PCDH7: variants seen among roughly 807,000 people sequenced by gnomAD.
The protein encoded by PCDH7 is protocadherin 7.
Under a neutral mutation model 58.9 loss-of-function variants are expected in PCDH7, and 17 were observed. That is an observed-to-expected ratio of 0.29 (90% confidence interval 0.20 to 0.43). The LOEUF is 0.43. Ranked by LOEUF, PCDH7 falls within the 20% of genes least tolerant of loss-of-function variation. The pLI is 1.00. For synonymous variants in PCDH7, 664 were observed against 616.4 expected, an observed-to-expected ratio of 1.08 and a Z score of -1.14; for missense variants, 1,274 against 1,441.0, an observed-to-expected ratio of 0.88 and a Z score of 1.88.
intron 3 of PCDH7, among the ~76,000 whole-genome samples, chr4:31,067,723 G>A (rs190254286): frequency 2.8e-4 from 43 of 152,064 alleles, no homozygotes; most frequent in Non-Finnish European, 3.4e-4. Flanking sequence ...TGAGCGCATA[G>A]CCCCTTTTCT....
chr4:30,786,876 C>T (rs1723467182), intron 1 of PCDH7: 2 of 409,896 alleles, frequency 4.9e-6, no homozygotes, highest in African/African-American at 2.2e-5. Flanking sequence ...AAAAAGAAAT[C>T]GATTCCCAAG....
chr4:31,026,188 A>T (rs1244163129), intron 3 of PCDH7, among the ~76,000 whole-genome samples: 1 of 152,268 alleles, frequency 6.6e-6, no homozygotes, highest in Non-Finnish European at 1.5e-5. Flanking sequence ...CTCCCTTTAT[A>T]CCCACTAATC....
chr4:30,847,854 G>A (rs1286210040), intron 1 of PCDH7, among the ~76,000 whole-genome samples: 1 of 151,676 alleles, frequency 6.6e-6, no homozygotes. Flanking sequence ...GTTCATATTG[G>A]TACTACTGTT....
chr4:31,091,062 C>A lies in PCDH7; in HGVS notation c.*8-51411C>A, dbSNP rs573571975. On this transcript the variant is annotated intron_variant, in intron 3 of 3. Transcript: ENST00000509759. ...GTCATTTTCAACATTCATTTCTAGCCCAGTTCATTTTTTAGACTTTCCTTC... is the reference window on the plus strand; with the variant it reads ...GTCATTTTCAACATTCATTTCTAGCACAGTTCATTTTTTAGACTTTCCTTC... Among the ~76,000 whole-genome samples the A allele has an allele frequency of 5.1e-4, 78 of 151,948 alleles. 1 individual carries two copies. The highest frequency in any genetic ancestry group is 1.8e-3 in the African/African-American group (75 of 41,516).
intron 3 of PCDH7, among the ~76,000 whole-genome samples, chr4:31,071,552 G>C (rs954754809): frequency 1.3e-5 from 2 of 151,964 alleles, no homozygotes; most frequent in Admixed American, 1.3e-4. Context: ...AGTAAATGCA[G>C]GCAAATTTTA....
chr4:31,001,518 A>G (rs1299744489), intron 3 of PCDH7, among the ~76,000 whole-genome samples: 1 of 152,114 alleles, frequency 6.6e-6, no homozygotes, highest in Non-Finnish European at 1.5e-5. Context: ...ACAGCTACAC[A>G]TCTAATGTGT....
intron 3 of PCDH7, among the ~76,000 whole-genome samples, chr4:30,953,889 A>G (rs1311348680): frequency 6.6e-6 from 1 of 152,146 alleles, no homozygotes; most frequent in Non-Finnish European, 1.5e-5. Context: ...GACAAGCACA[A>G]CAAAACAAAA....
chr4:30,824,428 A>G (rs192070599), intron 1 of PCDH7, among the ~76,000 whole-genome samples: 9 of 152,228 alleles, frequency 5.9e-5, no homozygotes, highest in African/African-American at 2.2e-4. Flanking sequence ...TTAAAAATGA[A>G]TACACTCAAG....
intron 3 of PCDH7, among the ~76,000 whole-genome samples, chr4:31,119,024 AT>A (rs796633486): frequency 9.8e-4 from 147 of 149,454 alleles, no homozygotes; most frequent in African/African-American, 3.0e-3. Flanking sequence ...ATCAAACTAC[AT>A]TTTTTTTTTC....
chr4:30,850,427 G>T (rs1370606517), intron 1 of PCDH7, among the ~76,000 whole-genome samples: 1 of 151,996 alleles, frequency 6.6e-6, no homozygotes, highest in Non-Finnish European at 1.5e-5. Context: ...TAGCTTTAGG[G>T]ATAATTTGGT....
intron 1 of PCDH7, among the ~76,000 whole-genome samples, chr4:30,915,905 C>T (rs1340295567): frequency 1.3e-5 from 2 of 152,070 alleles, no homozygotes; most frequent in East Asian, 3.9e-4. Flanking sequence ...TATTATCTAT[C>T]CAATTTCTTT....
intron 2 of PCDH7, among the ~76,000 whole-genome samples, chr4:30,936,820 GAAT>G (rs1368832920): frequency 1.3e-5 from 2 of 151,984 alleles, no homozygotes; most frequent in African/African-American, 2.4e-5. Flanking sequence ...CAGAATAACA[GAAT>G]AATAACTCAG....
At chr4:30,863,436 A>G (rs766438729) in intron 1 of PCDH7, among the ~76,000 whole-genome samples, 10 of 152,030 alleles carry the variant, frequency 6.6e-5, no homozygotes, top group Non-Finnish European at 1.0e-4. Context: ...ATTCTACAAC[A>G]CAGAAGCTAG....
chr4:31,126,484 A>T (rs1168771067), intron 3 of PCDH7, among the ~76,000 whole-genome samples: 2 of 152,170 alleles, frequency 1.3e-5, no homozygotes, highest in East Asian at 3.9e-4. Flanking sequence ...ATGAATAAAT[A>T]TAGTTTTGGA....
intron 3 of PCDH7, among the ~76,000 whole-genome samples, chr4:31,108,860 C>G (rs1441082480): frequency 6.6e-6 from 1 of 152,092 alleles, no homozygotes; most frequent in Non-Finnish European, 1.5e-5. Context: ...CCTGAAGACT[C>G]ACTGGCTTAA....
At chr4:31,005,935 T>C (rs538674164) in intron 3 of PCDH7, among the ~76,000 whole-genome samples, 1 of 152,322 alleles carries the variant, frequency 6.6e-6, no homozygotes. Context: ...CCCAACTTCA[T>C]CACTTACTAG....
Position 30,721,059 on chromosome 4 carries a change from C to T in PCDH7, c.-364C>T, listed in dbSNP as rs978857857. The T allele has an allele frequency of 2.1e-5, 5 of 232,718 alleles. No homozygotes were observed. Among genetic ancestry groups the T allele is most frequent in the South Asian group, 2.5e-4 (2 of 7,890 alleles). The allele number at this position is 232,718 out of a possible 1,614,324, so 14.4% of individuals were successfully genotyped here. A position where few individuals can be genotyped will look rare whatever the true frequency, so the allele number is the denominator to read the frequency against. On this transcript the variant is annotated 5_prime_UTR_variant, in exon 1 of 2. Transcript: ENST00000361762. This position sits in a 1 kb window ranked among gnomAD's most constrained non-coding sequence, Gnocchi z 6.7. ...GGACTAGAGCCGGGGATTCTCCGCC[C>T]GCTGAGGGGATGACTCTGGGTTGGG...
chr4:31,036,374 CA>C (rs930676816), intron 3 of PCDH7, among the ~76,000 whole-genome samples: 1 of 152,042 alleles, frequency 6.6e-6, no homozygotes, highest in Non-Finnish European at 1.5e-5. Flanking sequence ...TTAGTAGAGA[CA>C]GAGTTTCACC....
chr4:31,085,334 G>C (rs6852560), intron 3 of PCDH7, among the ~76,000 whole-genome samples: 36,247 of 151,970 alleles, frequency 0.24, 4,594 homozygotes, highest in Admixed American at 0.32. Flanking sequence ...GAGGAGTTTA[G>C]GGAGAGTCGG....
Sources: gnomAD v4.1 joint callset for allele counts (sites outside exome capture counted in the v4.1 genomes callset) on GRCh38, gnomAD v4.1.1 for gene constraint, Gnocchi (gnomAD v3.1) non-coding constraint, MANE v1.5 for transcripts, NCBI Gene and HGNC (gene_info 2026-07-23, HGNC 2026-07-21) for gene names.